CYP4B1: variants seen among roughly 807,000 people sequenced by gnomAD.
The protein encoded by CYP4B1 is cytochrome P450 4B1.
In CYP4B1, 45 loss-of-function variants were observed where a neutral mutation model predicts 54.0. The observed-to-expected ratio is 0.83, with a 90% CI of 0.66 to 1.07. The LOEUF is 1.07. CYP4B1 is among the 50% of genes least tolerant of loss of function. The probability of loss-of-function intolerance (pLI) is 0.00; values close to 1 mark genes in which losing one functional copy is unlikely to be tolerated. For synonymous variants in CYP4B1, 248 were observed against 247.5 expected, an observed-to-expected ratio of 1.00 and a Z score of -0.02; for missense variants, 656 against 655.4, an observed-to-expected ratio of 1.00 and a Z score of -0.01.
rs747130576 is a variant in CYP4B1 at position 46,818,847 on chromosome 1, G to T, written c.*33G>T. The T allele has an allele frequency of 1.2e-6, 2 of 1,607,480 alleles. No individual in the cohort carries two copies. Among genetic ancestry groups the T allele is most frequent in the South Asian group, 1.1e-5 (1 of 90,792 alleles). On this transcript the variant is annotated 3_prime_UTR_variant, in exon 12 of 12. Transcript: ENST00000371923. ...GAGAATGGGGTCCCAGATGGCTCAG[G>T]CTGTGACCTCCCTGGGCACCACCCT...
chr1:46,806,574 T>A lies in CYP4B1; in HGVS notation c.181-4234T>A, dbSNP rs539742962. 4.6e-5 allele frequency among the ~76,000 whole-genome samples: 7 copies of A among 152,336 alleles called. No individual in the cohort carries two copies. In the East Asian group the frequency reaches 1.4e-3, roughly 29 times the overall value. On this transcript the variant is annotated intron_variant, in intron 1 of 11. Coordinates refer to ENST00000371923, the MANE Select transcript of CYP4B1 (RefSeq NM_001099772.2). ...TTCCACCTTTAAAGAGAGGTCAGGG[T>A]TCCACTAGGCAATGTTGAAATCCTT...
Position 46,818,890 on chromosome 1 carries a change from A to T in CYP4B1, c.*76A>T, listed in dbSNP as rs1291488235. Reference sequence around the variant, plus strand: ...ACCACCCTCCCCAGGCTGGGTGTGGAGGAGTTGGGGCCCCCTGCCTTCAGG... The same window carrying T: ...ACCACCCTCCCCAGGCTGGGTGTGGTGGAGTTGGGGCCCCCTGCCTTCAGG... On this transcript the variant is annotated 3_prime_UTR_variant, in exon 12 of 12. Coordinates refer to ENST00000371923, the MANE Select transcript of CYP4B1 (RefSeq NM_001099772.2). The T allele has an allele frequency of 6.6e-7, 1 of 1,511,088 alleles. No homozygotes were observed. The highest frequency in any genetic ancestry group is 9.0e-7 in the Non-Finnish European group (1 of 1,107,492). 93.6% of individuals were successfully genotyped at this position (1,511,088 alleles called of 1,614,324 possible). A position where few individuals can be genotyped will look rare whatever the true frequency, so the allele number is the denominator to read the frequency against.
At chr1:46,814,129 C>G in intron 6 of CYP4B1, 66 bp downstream of exon 6, 1 of 1,609,212 alleles carries the variant, frequency 6.2e-7, no homozygotes, top group East Asian at 2.2e-5. Flanking sequence ...CCTCTATGCC[C>G]CCTCCCATTA....
At chr1:46,814,583 C>T (rs1276965540) in intron 7 of CYP4B1, among the ~76,000 whole-genome samples, 1 of 152,070 alleles carries the variant, frequency 6.6e-6, no homozygotes, top group South Asian at 2.1e-4. Context: ...AAAATGTTGG[C>T]CTTGTAGAAT....
At position 46,799,113 on chromosome 1, in the gene CYP4B1, C is replaced by T; in HGVS notation, c.32C>T (p.Ser11Phe). 3 of 1,614,026 alleles carry T rather than the reference C, an allele frequency of 1.9e-6. No homozygotes were observed. The highest frequency in any genetic ancestry group is 2.5e-6 in the Non-Finnish European group (3 of 1,179,988). ...CCCAGCTTCCTCTCCCTGAGCTTCT[C>T]CTCCTTGGGCCTGTGGGCTTCTGGG... Reference protein sequence around the residue: MVPSFLSLSFSSLGLWASGLI... With the variant: MVPSFLSLSFFSLGLWASGLI... The change falls in exon 1 of 12, where the codon TCC becomes TTC. Residue 11 changes from serine to phenylalanine, a missense_variant. Transcript: ENST00000371923.
chr1:46,807,542 A>G (rs1218626730), intron 1 of CYP4B1, among the ~76,000 whole-genome samples: 3 of 152,218 alleles, frequency 2.0e-5, no homozygotes, highest in Non-Finnish European at 4.4e-5. Flanking sequence ...GAGCACTTCC[A>G]GGGATACCAG....
intron 11 of CYP4B1, 108 bp downstream of exon 11, chr1:46,818,321 C>A: frequency 9.2e-7 from 1 of 1,087,586 alleles, no homozygotes; most frequent in Non-Finnish European, 1.4e-6. Flanking sequence ...GGGAATCATG[C>A]TGGGTTTGTG....
At chr1:46,806,550 T>C (rs1044235256) in intron 1 of CYP4B1, among the ~76,000 whole-genome samples, 11 of 152,206 alleles carry the variant, frequency 7.2e-5, no homozygotes, top group Admixed American at 1.3e-4. Flanking sequence ...ACCGCACGTT[T>C]CCACCTTTAA....
chr1:46,800,294 CTTCCTTCT>C (rs1557485054), intron 1 of CYP4B1, among the ~76,000 whole-genome samples: 1 of 80,826 alleles, frequency 1.2e-5, no homozygotes. Context: ...TCCTTCCTTC[CTTCCTTCT>C]TTCCTTCCTT....
rs368867656 is a variant in CYP4B1, at chr1:46,818,174, G to A, written c.1316G>A (p.Arg439His). Residue 439 changes from arginine (R) to histidine (H), a missense_variant, in exon 11 of 12, where the codon CGC (arginine) becomes CAC (histidine). Coordinates refer to ENST00000371923, the MANE Select transcript of CYP4B1 (RefSeq NM_001099772.2). ...LRFSTENASK[R>H]HPFAFMPFSA... ...TTTTCCACTGAGAATGCATCCAAAC[G>A]CCATCCCTTTGCCTTTATGCCCTTC... The A allele has an allele frequency of 5.0e-5, 81 of 1,613,986 alleles. No individual in the cohort carries two copies. The highest frequency in any genetic ancestry group is 6.3e-5 in the Non-Finnish European group (74 of 1,180,026).
Position 46,814,022 on chromosome 1 carries a change from G to A in CYP4B1, c.734G>A (p.Arg245His), listed in dbSNP as rs139993247. The change falls in exon 6 of 12, where the codon CGC (arginine) becomes CAC (histidine). Residue 245 changes from arginine to histidine, a missense_variant. Physicochemically the swap from Arg to His is conservative, Grantham distance 29. Transcript: ENST00000371923. ...DFIYWLTPHGRRFLRACQVAH... is the reference protein window; with the variant it reads ...DFIYWLTPHGHRFLRACQVAH... ...ATCTACTGGCTCACCCCACATGGCC[G>A]CCGCTTCCTGCGGGCCTGCCAGGTG... 5.8e-5 allele frequency: 94 copies of A among 1,614,110 alleles called. No homozygotes were observed. The African/African-American group carries it at 8.3e-4, about 14-fold the overall frequency.
At position 46,813,611 on chromosome 1, in the gene CYP4B1, G is replaced by A. The variant is rs1040754973; in HGVS notation, c.620+5G>A. 3 of 1,613,698 alleles carry A rather than the reference G, an allele frequency of 1.9e-6. No individual in the cohort carries two copies. Among genetic ancestry groups the A allele is most frequent in the Non-Finnish European group, 2.5e-6 (3 of 1,180,038 alleles). ...AGACACCGGCCTGGGCCACAGGTCAGGAGCCACCTCGGGGCTGACCGCACT... is the reference window on the plus strand; with the variant it reads ...AGACACCGGCCTGGGCCACAGGTCAAGAGCCACCTCGGGGCTGACCGCACT... On this transcript the variant is annotated splice_donor_5th_base_variant and intron_variant, in intron 5 of 11. Coordinates refer to ENST00000371923, the MANE Select transcript of CYP4B1 (RefSeq NM_001099772.2).
chr1:46,800,205 T>TC (rs756357452), intron 1 of CYP4B1, among the ~76,000 whole-genome samples: 6 of 34,352 alleles, frequency 1.7e-4, no homozygotes, highest in Admixed American at 6.6e-4. Context: ...TTCTCTTTCT[T>TC]TCTTTCTTTC....
rs1679066023 is a variant in CYP4B1, at chr1:46,810,822, G to A, written c.195G>A (p.Gly65=). ...FGHALEIQET[G]SLDKVVSWAH... ...CATCATTTCAGATCCAGGAGACGGG[G>A]AGCCTGGACAAAGTGGTGTCCTGGG... Residue 65 remains glycine (G), a synonymous_variant, in exon 2 of 12, where the codon GGG becomes GGA. Coordinates refer to ENST00000371923, the MANE Select transcript of CYP4B1 (RefSeq NM_001099772.2). The A allele has an allele frequency of 6.2e-7, 1 of 1,614,176 alleles. No individual in the cohort carries two copies.
At position 46,818,909 on chromosome 1, in the gene CYP4B1, C is replaced by T; in HGVS notation, c.*95C>T. ...GTGTGGAGGAGTTGGGGCCCCCTGC[C>T]TTCAGGAGGCTTGTAGTTTAGAAGG... is the stretch of plus-strand genomic sequence containing the variant. On this transcript the variant is annotated 3_prime_UTR_variant, in exon 12 of 12. Transcript: ENST00000371923. 2 of 1,120,684 alleles carry T rather than the reference C, an allele frequency of 1.8e-6. No homozygotes were observed. Among genetic ancestry groups the T allele is most frequent in the Non-Finnish European group, 2.6e-6 (2 of 772,778 alleles). 69.4% of individuals were successfully genotyped at this position (1,120,684 alleles called of 1,614,324 possible). A position where few individuals can be genotyped will look rare whatever the true frequency, so the allele number is the denominator to read the frequency against.
intron 1 of CYP4B1, among the ~76,000 whole-genome samples, chr1:46,807,646 A>G (rs919961065): frequency 6.6e-6 from 1 of 152,226 alleles, no homozygotes; most frequent in Non-Finnish European, 1.5e-5. Context: ...TCGTGTACTC[A>G]AGGGCAGTGA....
chr1:46,816,183 G>T (rs896820095), intron 8 of CYP4B1, among the ~76,000 whole-genome samples: 6 of 152,186 alleles, frequency 3.9e-5, no homozygotes, highest in Non-Finnish European at 7.3e-5. Flanking sequence ...CATGCTGCTC[G>T]TGGGGAGTTT....
intron 10 of CYP4B1, 33 bp from the exon 11 acceptor site, chr1:46,818,098 T>C (rs1416327903): frequency 1.1e-5 from 18 of 1,613,674 alleles, no homozygotes; most frequent in African/African-American, 1.1e-4. Context: ...TGCCAGAACC[T>C]GGCGAGTGTT....
Position 46,810,871 on chromosome 1 carries a change from C to T in CYP4B1, c.244C>T (p.Pro82Ser). 6.2e-7 allele frequency: 1 copy of T among 1,614,064 alleles called. No individual in the cohort carries two copies. Among genetic ancestry groups the T allele is most frequent in the South Asian group, 1.1e-5 (1 of 91,074 alleles). The stretch of plus-strand genomic sequence containing the variant: ...GGCCCACCAGTTCCCGTATGCCCAC[C>T]CACTCTGGTTCGGACAGTTCATTGG... ...SWAHQFPYAHPLWFGQFIGFL... is the reference protein window; with the variant it reads ...SWAHQFPYAHSLWFGQFIGFL... Residue 82 changes from proline to serine, a missense_variant, in exon 2 of 12, where the codon CCA (proline) becomes TCA (serine). Physicochemically the swap from Pro to Ser is moderately conservative, Grantham distance 74. Coordinates refer to ENST00000371923, the MANE Select transcript of CYP4B1 (RefSeq NM_001099772.2).
Sources: allele counts gnomAD v4.1 joint callset (sites outside exome capture counted in the v4.1 genomes callset), GRCh38; gene constraint gnomAD v4.1.1; transcripts MANE v1.5; gene names NCBI Gene and HGNC (gene_info 2026-07-23, HGNC 2026-07-21).